Variants in CCDC149 observed in about 807,000 individuals in gnomAD.
CCDC149 encodes the protein coiled-coil domain-containing protein 149.
A neutral mutation model predicts 59.9 loss-of-function variants in CCDC149; 45 were observed. The observed-to-expected ratio is 0.75, with a 90% CI of 0.59 to 0.96. CCDC149 has a LOEUF of 0.96. CCDC149 is among the 40% of genes least tolerant of loss of function. The pLI, the probability that CCDC149 is intolerant of heterozygous loss-of-function variation, is 0.00. For missense variants in CCDC149, 584 were observed against 664.7 expected (o/e 0.88, Z 1.33); for synonymous variants, 245 against 260.6 (o/e 0.94, Z 0.58).
intron 3 of CCDC149, among the ~76,000 whole-genome samples, chr4:24,872,591 T>C (rs1719109180): frequency 6.6e-6 from 1 of 150,778 alleles, no homozygotes; most frequent in African/African-American, 2.5e-5. Flanking sequence ...CAGAATGGTA[T>C]GTACCCACTG....
At chr4:24,888,088 C>T (rs1577453622) in intron 1 of CCDC149, among the ~76,000 whole-genome samples, 3 of 152,306 alleles carry the variant, frequency 2.0e-5, no homozygotes, top group African/African-American at 4.8e-5. Context: ...TAGAGTAGCA[C>T]TCACACACCC....
rs1714282938 is a variant in CCDC149, at chr4:24,807,555, G to A, written c.*834C>T. 2 of 152,148 alleles carry A rather than the reference G, an allele frequency of 1.3e-5. No individual in the cohort carries two copies. The highest frequency in any genetic ancestry group is 2.4e-5 in the African/African-American group (1 of 41,426). The allele number at this position is 152,148 out of a possible 1,614,324, so 9.4% of individuals were successfully genotyped here. On this transcript the variant is annotated 3_prime_UTR_variant, in exon 13 of 13. Coordinates refer to ENST00000635206, the MANE Select transcript of CCDC149 (RefSeq NM_001330643.2). ...GAAATGGCCATACAATCCTGTATGT[G>A]AGACAGGCTGAATGCAGAGAATGAG...
In CCDC149 at chr4:24,898,413, G is replaced by A. The variant is rs140629866; in HGVS notation, c.63+14404C>T. On this transcript the variant is annotated intron_variant, in intron 1 of 12. Transcript: ENST00000635206. The stretch of plus-strand genomic sequence containing the variant: ...AGCTTGGTGACTTACAAAACCCATT[G>A]CAACTTGAGCCGGGAAGCTGGCCGG... Among the ~76,000 whole-genome samples, 5 of 152,258 alleles carry A rather than the reference G, an allele frequency of 3.3e-5. No individual in the cohort carries two copies. The East Asian group carries it at 9.7e-4, about 29-fold the overall frequency.
chr4:24,888,544 G>T (rs527251407), intron 1 of CCDC149, among the ~76,000 whole-genome samples: 108 of 152,230 alleles, frequency 7.1e-4, no homozygotes, highest in African/African-American at 2.6e-3. Context: ...ATTCTTAAAA[G>T]TCCTGCAGAT....
At chr4:24,898,703 T>C (rs1266495269) in intron 1 of CCDC149, among the ~76,000 whole-genome samples, 1 of 152,166 alleles carries the variant, frequency 6.6e-6, no homozygotes, top group Non-Finnish European at 1.5e-5. Context: ...CGAGTTACCC[T>C]GCCAACAATC....
chr4:24,944,710 T>G (rs1252551246), intron 1 of CCDC149, among the ~76,000 whole-genome samples: 2 of 152,152 alleles, frequency 1.3e-5, no homozygotes, highest in African/African-American at 4.8e-5. Context: ...TGTATACGTA[T>G]GTAACAAACC....
chr4:24,831,359 C>A, intron 9 of CCDC149, 147 bp downstream of exon 9: 1 of 746,212 alleles, frequency 1.3e-6, no homozygotes, highest in Non-Finnish European at 2.2e-6. Flanking sequence ...GCAGAAGCAC[C>A]ATTCTAGTTT....
chr4:24,850,862 G>A (rs972003526), intron 4 of CCDC149, among the ~76,000 whole-genome samples: 3 of 152,120 alleles, frequency 2.0e-5, no homozygotes, highest in Admixed American at 1.3e-4. Flanking sequence ...GGGGTTGGGG[G>A]AAGGATGATC....
At chr4:24,966,924 G>A (rs541827967) in intron 1 of CCDC149, among the ~76,000 whole-genome samples, 11 of 152,212 alleles carry the variant, frequency 7.2e-5, no homozygotes, top group South Asian at 2.1e-4. Context: ...ACCAATGTGC[G>A]GTGGGTGCTG....
chr4:24,897,053 C>T (rs1720886582), intron 1 of CCDC149, among the ~76,000 whole-genome samples: 1 of 152,116 alleles, frequency 6.6e-6, no homozygotes, highest in South Asian at 2.1e-4. Flanking sequence ...AGGCAAGGCA[C>T]AAACACATGT....
At chr4:24,939,208 C>G (rs935766152) in intron 1 of CCDC149, among the ~76,000 whole-genome samples, 1 of 152,160 alleles carries the variant, frequency 6.6e-6, no homozygotes, top group South Asian at 2.1e-4. Flanking sequence ...TCCAGAGGAA[C>G]GATCAGGCAG....
At chr4:24,903,086 C>T (rs776276289) in intron 1 of CCDC149, among the ~76,000 whole-genome samples, 14 of 148,886 alleles carry the variant, frequency 9.4e-5, no homozygotes, top group Non-Finnish European at 1.9e-4. Context: ...TATCTTCCCA[C>T]CTTGCTTCCA....
intron 1 of CCDC149, among the ~76,000 whole-genome samples, chr4:24,964,688 C>T (rs1723744605): frequency 6.6e-6 from 1 of 152,058 alleles, no homozygotes; most frequent in East Asian, 1.9e-4. Flanking sequence ...GCTGAAAACT[C>T]CCCGAATTTA....
At position 24,838,066 on chromosome 4, in the gene CCDC149, C is replaced by T. The variant is rs1009571805; in HGVS notation, c.489+90G>A. The T allele has an allele frequency of 9.7e-6, 10 of 1,029,410 alleles. No individual in the cohort carries two copies. The African/African-American group carries it at 1.1e-4, about 11-fold the overall frequency. The allele number at this position is 1,029,410 out of a possible 1,614,324, so 63.8% of individuals were successfully genotyped here. ...ACGTGCATCCCAGGCACCCCATACT[C>T]TGAGAAACGAGGGGCACAGTCCACT... On this transcript the variant is annotated intron_variant, in intron 5 of 12. Coordinates refer to ENST00000635206, the MANE Select transcript of CCDC149 (RefSeq NM_001330643.2).
intron 1 of CCDC149, among the ~76,000 whole-genome samples, chr4:24,936,046 G>T (rs1018927277): frequency 6.6e-6 from 1 of 152,140 alleles, no homozygotes; most frequent in Admixed American, 6.5e-5. Flanking sequence ...CACCCAAGCT[G>T]CTGATATTAG....
intron 4 of CCDC149, among the ~76,000 whole-genome samples, chr4:24,846,419 C>T (rs1032365858): frequency 1.3e-5 from 2 of 152,232 alleles, no homozygotes; most frequent in Non-Finnish European, 2.9e-5. Context: ...CTCTCTGCTC[C>T]TTTTGAAGCA....
intron 1 of CCDC149, among the ~76,000 whole-genome samples, chr4:24,900,696 G>A (rs1721115664): frequency 1.3e-5 from 2 of 152,248 alleles, no homozygotes; most frequent in Non-Finnish European, 2.9e-5. Context: ...AAGGATCACA[G>A]TTTAAGCCAA....
rs114790979 is a variant in CCDC149 at position 24,834,234 on chromosome 4, T to G, written c.820+714A>C. 1.7e-3 allele frequency among the ~76,000 whole-genome samples: 253 copies of G among 152,298 alleles called. 1 individual carries two copies. Among genetic ancestry groups the G allele is most frequent in the African/African-American group, 5.7e-3 (237 of 41,568 alleles). On this transcript the variant is annotated intron_variant, in intron 8 of 12. Transcript: ENST00000635206. ...AAGACTGCCATATGATAGTTGCTGGTCTGCACTATCAACAACCAAAAAGTG... is the reference window on the plus strand; with the variant it reads ...AAGACTGCCATATGATAGTTGCTGGGCTGCACTATCAACAACCAAAAAGTG...
chr4:24,940,719 A>G (rs1261458255), intron 1 of CCDC149, among the ~76,000 whole-genome samples: 1 of 152,148 alleles, frequency 6.6e-6, no homozygotes, highest in Non-Finnish European at 1.5e-5. Context: ...AGCAAATGGA[A>G]AACAAAAAAA....
Sources: allele counts gnomAD v4.1 joint callset (sites outside exome capture counted in the v4.1 genomes callset), GRCh38; gene constraint gnomAD v4.1.1; transcripts MANE v1.5; gene names NCBI Gene and HGNC (gene_info 2026-07-23, HGNC 2026-07-21).